ARMH4: variants seen among roughly 807,000 people sequenced by gnomAD.
The protein encoded by ARMH4 is armadillo like helical domain containing 4.
In ARMH4, 49 loss-of-function variants were observed where a neutral mutation model predicts 61.9. The ratio of observed to expected loss-of-function variants is 0.79; its 90% CI spans 0.63 to 1.00. The LOEUF is 1.00. Ranked by LOEUF, ARMH4 falls within the 50% of genes least tolerant of loss-of-function variation. The pLI is 0.00. For missense variants in ARMH4, 934 were observed against 930.0 expected, an observed-to-expected ratio of 1.00 and a Z score of -0.06; for synonymous variants, 368 against 341.5, an observed-to-expected ratio of 1.08 and a Z score of -0.85.
chr14:58,063,722 G>A (rs954926359), intron 5 of ARMH4, among the ~76,000 whole-genome samples: 1 of 152,086 alleles, frequency 6.6e-6, no homozygotes, highest in Non-Finnish European at 1.5e-5. Flanking sequence ...CAACCTCCCA[G>A]CTCATGTCTT....
At chr14:58,089,728 G>T (rs894261689) in intron 5 of ARMH4, among the ~76,000 whole-genome samples, 46 of 152,228 alleles carry the variant, frequency 3.0e-4, no homozygotes, top group African/African-American at 1.1e-3. Flanking sequence ...AGCAGGCGCT[G>T]TGTGAGGACA....
At position 58,038,564 on chromosome 14, in the gene ARMH4, A is replaced by T. The variant is rs866930717; in HGVS notation, c.2090-26414T>A. On this transcript the variant is annotated intron_variant, in intron 5 of 7. Coordinates refer to ENST00000267485, the MANE Select transcript of ARMH4 (RefSeq NM_001001872.4). ...ATTTAAAGTATAATAAAAAAAAATT[A>T]AAAAAAAAAAAAGAAATACTTAAAT... is the stretch of plus-strand genomic sequence containing the variant. Among the ~76,000 whole-genome samples the T allele has an allele frequency of 2.5e-3, 228 of 90,232 alleles. 3 individuals carry two copies. The South Asian group carries it at 0.066, about 26-fold the overall frequency. The allele number at this position is 90,232 out of a possible 152,430, so 59.2% of individuals were successfully genotyped here.
chr14:58,119,915 A>G (rs902312182), intron 4 of ARMH4, among the ~76,000 whole-genome samples: 1 of 152,220 alleles, frequency 6.6e-6, no homozygotes, highest in African/African-American at 2.4e-5. Flanking sequence ...AATTTTTTCC[A>G]TATTGTTAGG....
rs1882108064 is a variant in ARMH4, at chr14:58,004,985, G to A, written c.2256+63C>T. The A allele has an allele frequency of 3.1e-5, 50 of 1,606,518 alleles. No individual in the cohort carries two copies. In the South Asian group the frequency reaches 5.4e-4, roughly 17 times the overall value. On this transcript the variant is annotated intron_variant, in intron 7 of 7. Coordinates refer to ENST00000267485, the MANE Select transcript of ARMH4 (RefSeq NM_001001872.4). ...CATTAAACCCCGTGTGCTTTATTAA[G>A]TAAATTAGATAAGCAAAGAATGTTC...
chr14:58,018,247 G>C (rs1305277843), intron 5 of ARMH4, among the ~76,000 whole-genome samples: 1 of 151,796 alleles, frequency 6.6e-6, no homozygotes. Flanking sequence ...CAAAAGCACA[G>C]GAAACAAAAA....
chr14:58,095,470 C>G (rs1885717427), intron 5 of ARMH4, among the ~76,000 whole-genome samples: 1 of 152,144 alleles, frequency 6.6e-6, no homozygotes, highest in African/African-American at 2.4e-5. Context: ...TGTTCACAGA[C>G]CAGAGATAAT....
At chr14:58,126,785 C>T (rs940727426) in intron 4 of ARMH4, among the ~76,000 whole-genome samples, 2 of 150,050 alleles carry the variant, frequency 1.3e-5, no homozygotes, top group Non-Finnish European at 3.0e-5. Flanking sequence ...GAAAGTTAAA[C>T]GTAGCTTCTC....
rs530780523 is a variant in ARMH4, at chr14:58,057,530, G to A, written c.2089+39194C>T. 2.0e-5 allele frequency among the ~76,000 whole-genome samples: 3 copies of A among 151,718 alleles called. No individual in the cohort carries two copies. The South Asian group carries it at 6.3e-4, about 32-fold the overall frequency. On this transcript the variant is annotated intron_variant, in intron 5 of 7. Transcript: ENST00000267485. ...TACTAGCTCAAAAGGTGGTACTCTTGTCTAAAATGCTATCTTCCAAAGGGT... is the reference window on the plus strand; with the variant it reads ...TACTAGCTCAAAAGGTGGTACTCTTATCTAAAATGCTATCTTCCAAAGGGT...
intron 5 of ARMH4, among the ~76,000 whole-genome samples, chr14:58,017,925 T>C (rs1475087418): frequency 6.6e-6 from 1 of 152,002 alleles, no homozygotes; most frequent in South Asian, 2.1e-4. Flanking sequence ...TAAAAACAGA[T>C]ACATAGACCA....
chr14:58,037,818 C>T (rs11504633), intron 5 of ARMH4, among the ~76,000 whole-genome samples: 2 of 52,444 alleles, frequency 3.8e-5, no homozygotes, highest in Admixed American at 2.5e-4. Context: ...TCATCAATGG[C>T]CATCAGAGAA....
intron 5 of ARMH4, among the ~76,000 whole-genome samples, chr14:58,088,639 A>G (rs183697527): frequency 1.9e-4 from 29 of 152,296 alleles, no homozygotes; most frequent in African/African-American, 6.0e-4. Flanking sequence ...GCTCCTACTG[A>G]GAGAAGCCCA....
chr14:58,096,947 T>C lies in ARMH4; in HGVS notation c.1866A>G (p.Glu622=), dbSNP rs376833564. 2.9e-5 allele frequency: 47 copies of C among 1,613,548 alleles called. No individual in the cohort carries two copies. Among genetic ancestry groups the C allele is most frequent in the Non-Finnish European group, 7.6e-6 (9 of 1,179,730 alleles). ...CATCTTCCTCTTCTTCATCTTCATC[T>C]TCTTCATCCTCTTCATCCTCATCTT... The part of the protein sequence containing the change: ...GQEDEDEEDE[E]DEDEEEEDEE... Residue 622 remains glutamate (E), a synonymous_variant, in exon 5 of 8, where the codon GAA becomes GAG. Transcript: ENST00000267485.
intron 5 of ARMH4, among the ~76,000 whole-genome samples, chr14:58,078,159 C>G (rs779246993): frequency 2.0e-5 from 3 of 152,220 alleles, no homozygotes; most frequent in Non-Finnish European, 2.9e-5. Flanking sequence ...GAAATTAAAA[C>G]TACCAGCAGG....
chr14:58,118,538 C>T (rs1240773232), intron 4 of ARMH4, among the ~76,000 whole-genome samples: 1 of 151,516 alleles, frequency 6.6e-6, no homozygotes, highest in Non-Finnish European at 1.5e-5. Flanking sequence ...GAGAAGTTTA[C>T]CCTTTACATA....
chr14:58,071,086 T>C (rs1176416524), intron 5 of ARMH4, among the ~76,000 whole-genome samples: 1 of 151,476 alleles, frequency 6.6e-6, no homozygotes, highest in Non-Finnish European at 1.5e-5. Context: ...GAAAAATAAA[T>C]GTTCTTTTGG....
Position 58,138,372 on chromosome 14 carries a change from C to T in ARMH4, c.987G>A (p.Lys329=). 6.2e-7 allele frequency: 1 copy of T among 1,614,182 alleles called. No individual in the cohort carries two copies. The highest frequency in any genetic ancestry group is 1.1e-5 in the South Asian group (1 of 91,078). ...CCTGAGTCTCTTCATTGTCTCCAAG[C>T]TTGGGGGTCCTTATCCGGCTTACAC... ...LESVSRIRTP[K]LGDNEETQVR... The change falls in exon 2 of 8, where the codon AAG becomes AAA. Residue 329 remains lysine (K), a synonymous_variant. Coordinates refer to ENST00000267485, the MANE Select transcript of ARMH4 (RefSeq NM_001001872.4).
intron 5 of ARMH4, among the ~76,000 whole-genome samples, chr14:58,027,050 T>C (rs1883045367): frequency 6.6e-6 from 1 of 152,156 alleles, no homozygotes; most frequent in Admixed American, 6.5e-5. Context: ...AGCTTCAGGG[T>C]TTGTTTTCCA....
intron 5 of ARMH4, among the ~76,000 whole-genome samples, chr14:58,075,255 G>A (rs1303155716): frequency 3.9e-5 from 6 of 152,144 alleles, no homozygotes; most frequent in East Asian, 1.9e-4. Context: ...CCACTACTGG[G>A]TATATACCCA....
chr14:58,044,964 A>T (rs1225279377), intron 5 of ARMH4, among the ~76,000 whole-genome samples: 1 of 152,204 alleles, frequency 6.6e-6, no homozygotes, highest in African/African-American at 2.4e-5. Flanking sequence ...AGGAAACAAC[A>T]GGTGCTGGAG....
Sources: allele counts gnomAD v4.1 joint callset (sites outside exome capture counted in the v4.1 genomes callset), GRCh38; gene constraint gnomAD v4.1.1; transcripts MANE v1.5; gene names NCBI Gene and HGNC (gene_info 2026-07-23, HGNC 2026-07-21).